The following SHPK variants were observed in gnomAD, a reference collection of about 807,000 sequenced individuals.
SHPK encodes the protein carbohydrate kinase-like protein.
SHPK carries 51 observed loss-of-function variants against 46.3 expected under a neutral mutation model. The observed-to-expected ratio is 1.10, with a 90% confidence interval of 0.88 to 1.39. The LOEUF (loss-of-function observed/expected upper bound fraction) is 1.39, where lower values mean the gene tolerates loss of function less well. SHPK is among the 40% of genes most tolerant of loss of function. SHPK has a pLI of 0.00. For synonymous variants in SHPK, 290 were observed against 273.9 expected (o/e 1.06, Z -0.58); for missense variants, 668 against 641.3 (o/e 1.04, Z -0.45).
rs527831713 is a variant in SHPK, at chr17:3,628,028, T to C, written c.310+2177A>G. ...GAAGAGCCTGCATCAGCTCCTACGA[T>C]TGCCCAGCCCCATCCTGGGAGTGAT... On this transcript the variant is annotated intron_variant, in intron 2 of 6. Transcript: ENST00000225519. Among the ~76,000 whole-genome samples the C allele has an allele frequency of 6.6e-5, 10 of 151,770 alleles. No individual in the cohort carries two copies. In the East Asian group the frequency reaches 1.6e-3, roughly 24 times the overall value.
chr17:3,624,402 CATA>C (rs1439507288), intron 2 of SHPK, among the ~76,000 whole-genome samples, 171 bp from the exon 3 acceptor site: 8 of 152,294 alleles, frequency 5.3e-5, no homozygotes, highest in Non-Finnish European at 1.2e-4. Context: ...GGCTCTACCA[CATA>C]ATGACTGTGG....
intron 2 of SHPK, among the ~76,000 whole-genome samples, chr17:3,629,457 A>C (rs2075456950): frequency 6.6e-6 from 1 of 152,180 alleles, no homozygotes. Context: ...CCGGCCGGGC[A>C]TGGTGGCTCA....
chr17:3,626,122 A>G (rs1389243390), intron 2 of SHPK, among the ~76,000 whole-genome samples: 1 of 152,282 alleles, frequency 6.6e-6, no homozygotes, highest in Non-Finnish European at 1.5e-5. Context: ...GTTGAAAAAA[A>G]TCTAATGTCA....
At chr17:3,632,623 C>T (rs919320463) in intron 1 of SHPK, among the ~76,000 whole-genome samples, 1 of 152,092 alleles carries the variant, frequency 6.6e-6, no homozygotes, top group Admixed American at 6.5e-5. Flanking sequence ...CTTGGACAGA[C>T]CCCCAGTGTA....
chr17:3,628,062 G>C (rs548450139), intron 2 of SHPK, among the ~76,000 whole-genome samples: 2 of 152,042 alleles, frequency 1.3e-5, no homozygotes, highest in South Asian at 4.2e-4. Flanking sequence ...ATTAAACGGT[G>C]CATCACCAAA....
chr17:3,627,022 C>T (rs1185826791), intron 2 of SHPK, among the ~76,000 whole-genome samples: 1 of 152,220 alleles, frequency 6.6e-6, no homozygotes, highest in Non-Finnish European at 1.5e-5. Flanking sequence ...TTCATCCGCA[C>T]AGCTCTAATG....
At chr17:3,629,861 G>A (rs73305331) in intron 2 of SHPK, among the ~76,000 whole-genome samples, 2 of 152,036 alleles carry the variant, frequency 1.3e-5, no homozygotes, top group African/African-American at 2.4e-5. Context: ...CCAGTCTCTC[G>A]GTTGTCTGCA....
At chr17:3,631,511 G>GTTTTTTTTTTTT (rs2075471589) in intron 1 of SHPK, among the ~76,000 whole-genome samples, 1 of 38,266 alleles carries the variant, frequency 2.6e-5, no homozygotes, top group African/African-American at 1.1e-4. Context: ...CTAATTTAAT[G>GTTTTTTTTTTTT]CTTTTTTTTT....
At chr17:3,621,119 A>T (rs2075397575) in intron 5 of SHPK, 118 bp downstream of exon 5, 1 of 835,930 alleles carries the variant, frequency 1.2e-6, no homozygotes, top group Admixed American at 3.1e-5. Flanking sequence ...CAGAATAATG[A>T]TCTCCAGCAG....
At chr17:3,621,772 C>A (rs1167460562) in intron 4 of SHPK, among the ~76,000 whole-genome samples, 1 of 151,938 alleles carries the variant, frequency 6.6e-6, no homozygotes, top group Non-Finnish European at 1.5e-5. Flanking sequence ...CCTGCCTCAG[C>A]CTCCCTAATA....
chr17:3,631,346 G>T (rs1262714495), intron 1 of SHPK, among the ~76,000 whole-genome samples: 1 of 151,716 alleles, frequency 6.6e-6, no homozygotes, highest in Non-Finnish European at 1.5e-5. Context: ...ACATGGGGGT[G>T]GGGGGCAGGA....
intron 5 of SHPK, among the ~76,000 whole-genome samples, chr17:3,617,465 G>A (rs1428675649): frequency 3.3e-5 from 5 of 152,146 alleles, no homozygotes; most frequent in African/African-American, 1.2e-4. Context: ...GTCCAACTGG[G>A]TCAGACAGAA....
At chr17:3,631,776 C>A in intron 1 of SHPK, among the ~76,000 whole-genome samples, 1 of 151,862 alleles carries the variant, frequency 6.6e-6, no homozygotes, top group South Asian at 2.1e-4. Flanking sequence ...CCCACCTCGG[C>A]CTCCCAAAGT....
intron 6 of SHPK, among the ~76,000 whole-genome samples, chr17:3,613,734 T>C (rs1325872609): frequency 6.6e-6 from 1 of 152,166 alleles, no homozygotes; most frequent in Non-Finnish European, 1.5e-5. Context: ...AGTTTTCTTT[T>C]TTTTTTACAG....
At chr17:3,619,863 A>G in intron 5 of SHPK, 1 of 300,064 alleles carries the variant, frequency 3.3e-6, no homozygotes. Context: ...ACCTGTGAGC[A>G]CCTGACAACA....
rs1298131174 is a variant in SHPK, at chr17:3,623,385, T to C, written c.601A>G (p.Ser201Gly). ...CTCTGCGTGTTGAAATAGCCCCAGC[T>C]GGCAGCATTCTGGTCGGACATCAGA... is the stretch of plus-strand genomic sequence containing the variant. The part of the protein sequence containing the change: ...RPLMSDQNAA[S>G]WGYFNTQSQS... The change falls in exon 4 of 7, where the codon AGC (serine) becomes GGC (glycine). Residue 201 changes from serine (S) to glycine (G), a missense_variant. Coordinates refer to ENST00000225519, the MANE Select transcript of SHPK (RefSeq NM_013276.4). The C allele has an allele frequency of 6.2e-7, 1 of 1,614,226 alleles. No homozygotes were observed. The highest frequency in any genetic ancestry group is 2.2e-5 in the East Asian group (1 of 44,884).
chr17:3,615,394 C>G lies in SHPK; in HGVS notation c.967G>C (p.Gly323Arg). The G allele has an allele frequency of 6.2e-7, 1 of 1,614,164 alleles. No individual in the cohort carries two copies. ...ACGAACGTGGCCAGCACATTGCCCC[C>G]GTTGAGTGACGCGGCCACCCCCAGG... Reference protein sequence around the residue: ...TYLGVAASLNGGNVLATFVHM... With the variant: ...TYLGVAASLNRGNVLATFVHM... Residue 323 changes from glycine (G) to arginine (R), a missense_variant, in exon 6 of 7, where the codon GGG becomes CGG. By Grantham distance (125) the Gly-to-Arg change is moderately radical. Transcript: ENST00000225519.
chr17:3,626,748 G>T (rs1227762441), intron 2 of SHPK, among the ~76,000 whole-genome samples: 1 of 149,366 alleles, frequency 6.7e-6, no homozygotes, highest in Non-Finnish European at 1.5e-5. Context: ...AAAATAGCCA[G>T]GCATGGTGGC....
At chr17:3,632,177 G>A (rs948055861) in intron 1 of SHPK, among the ~76,000 whole-genome samples, 17 of 151,314 alleles carry the variant, frequency 1.1e-4, no homozygotes, top group Non-Finnish European at 2.2e-4. Context: ...GGATGGTCTC[G>A]ATCTCTTGAC....
Sources: allele counts gnomAD v4.1 joint callset (sites outside exome capture counted in the v4.1 genomes callset), GRCh38; gene constraint gnomAD v4.1.1; transcripts MANE v1.5; gene names NCBI Gene and HGNC (gene_info 2026-07-23, HGNC 2026-07-21).